Variants in RPAP3 observed in about 807,000 individuals in gnomAD.
The protein encoded by RPAP3 is RNA polymerase II associated protein 3, also known as RNA polymerase II-associated protein 3.
A neutral mutation model predicts 88.8 loss-of-function variants in RPAP3; 58 were observed. That is an observed-to-expected ratio of 0.65 (90% CI 0.53 to 0.81). The LOEUF is 0.81. Among genes scored for constraint, RPAP3 ranks in the 40% least tolerant of loss-of-function variants. RPAP3 has a pLI of 0.00. For synonymous variants in RPAP3, 255 were observed against 259.9 expected (o/e 0.98, Z 0.18); for missense variants, 751 against 764.3 (o/e 0.98, Z 0.20).
chr12:47,686,925 G>T lies in RPAP3; in HGVS notation c.865-18C>A. 6.7e-7 allele frequency: 1 copy of T among 1,502,218 alleles called. No homozygotes were observed. Among genetic ancestry groups the T allele is most frequent in the Non-Finnish European group, 9.0e-7 (1 of 1,111,196 alleles). 93.1% of individuals were successfully genotyped at this position (1,502,218 alleles called of 1,614,324 possible). A position where few individuals can be genotyped will look rare whatever the true frequency, so the allele number is the denominator to read the frequency against. ...CCATTCCCCTGTTATTTTGTAGAGAGATATGGAGAATAAAAAAAAAATTTC... is the reference window on the plus strand; with the variant it reads ...CCATTCCCCTGTTATTTTGTAGAGATATATGGAGAATAAAAAAAAAATTTC... On this transcript the variant is annotated intron_variant, in intron 8 of 16. Transcript: ENST00000005386.
intron 5 of RPAP3, among the ~76,000 whole-genome samples, chr12:47,692,873 T>TTTTG (rs1311073126): frequency 6.6e-6 from 1 of 151,970 alleles, no homozygotes; most frequent in South Asian, 2.1e-4. Flanking sequence ...CACTGTAGGG[T>TTTTG]TTTGTTTGTT....
rs776452171 is a variant in RPAP3, at chr12:47,671,055, C to T, written c.1288-710G>A. 2.0e-5 allele frequency among the ~76,000 whole-genome samples: 3 copies of T among 152,054 alleles called. No homozygotes were observed. In the East Asian group the frequency reaches 5.8e-4, roughly 29 times the overall value. ...ATTCACAAAGTTGGTAAAAGTAAACCCTTTTTTCCAATTTAATAAAATAAA... is the reference window on the plus strand; with the variant it reads ...ATTCACAAAGTTGGTAAAAGTAAACTCTTTTTTCCAATTTAATAAAATAAA... On this transcript the variant is annotated intron_variant, in intron 12 of 16. Coordinates refer to ENST00000005386, the MANE Select transcript of RPAP3 (RefSeq NM_024604.3).
intron 2 of RPAP3, among the ~76,000 whole-genome samples, 191 bp from the exon 3 acceptor site, chr12:47,701,795 G>A (rs1246700968): frequency 2.0e-5 from 3 of 152,120 alleles, no homozygotes; most frequent in African/African-American, 7.2e-5. Context: ...ACTTTGATGA[G>A]TGTTGAACAT....
At chr12:47,692,803 C>T (rs557491276) in intron 5 of RPAP3, among the ~76,000 whole-genome samples, 97 of 152,338 alleles carry the variant, frequency 6.4e-4, no homozygotes, top group African/African-American at 2.2e-3. Context: ...TAATCATTTC[C>T]AGCTTCCAAT....
chr12:47,683,359 C>A (rs1263340177), intron 9 of RPAP3, among the ~76,000 whole-genome samples: 2 of 152,186 alleles, frequency 1.3e-5, no homozygotes, highest in Non-Finnish European at 2.9e-5. Flanking sequence ...ATACCTTCCA[C>A]AGTGCCTCAC....
rs369252457 is a variant in RPAP3, at chr12:47,683,260, T to C, written c.993-1443A>G. ...TCCTTCATAGCGCTATCTTAGCGTA[T>C]TTTCACAAATATTGGTCTCCTTTTC... On this transcript the variant is annotated intron_variant, in intron 9 of 16. Coordinates refer to ENST00000005386, the MANE Select transcript of RPAP3 (RefSeq NM_024604.3). Among the ~76,000 whole-genome samples, 28 of 152,314 alleles carry C rather than the reference T, an allele frequency of 1.8e-4. No homozygotes were observed. The South Asian group carries it at 5.6e-3, about 30-fold the overall frequency.
intron 6 of RPAP3, 127 bp from the exon 7 acceptor site, chr12:47,689,322 G>T: frequency 1.9e-6 from 1 of 517,474 alleles, no homozygotes. Context: ...GAGAAACAAA[G>T]AAATACTATC....
chr12:47,692,604 T>C (rs1337342135), intron 5 of RPAP3, among the ~76,000 whole-genome samples: 1 of 152,248 alleles, frequency 6.6e-6, no homozygotes, highest in Non-Finnish European at 1.5e-5. Flanking sequence ...TTTGATCTTC[T>C]ATACAGACCA....
rs768396726 is a variant in RPAP3 at position 47,701,509 on chromosome 12, G to GT, written c.248dup (p.Asn83LysfsTer7). On this transcript the variant is annotated frameshift_variant, in exon 3 of 17. Coordinates refer to ENST00000005386, the MANE Select transcript of RPAP3 (RefSeq NM_024604.3). LOFTEE classifies it high-confidence loss of function. ...CCTCATAATCATAAGATTTTATCCT[G>GT]TTTTTTGTGTTTTCCTCTCTGGTTT... 4 of 1,597,538 alleles carry GT rather than the reference G, an allele frequency of 2.5e-6. No homozygotes were observed. The highest frequency in any genetic ancestry group is 3.4e-6 in the Non-Finnish European group (4 of 1,172,792).
intron 14 of RPAP3, 105 bp downstream of exon 14, chr12:47,668,811 T>C (rs1046087795): frequency 2.5e-6 from 2 of 795,558 alleles, no homozygotes; most frequent in Middle Eastern, 2.8e-4. Context: ...CAATAATTTC[T>C]ACAATAATAT....
At chr12:47,704,232 G>C (rs1039583467) in intron 1 of RPAP3, among the ~76,000 whole-genome samples, 2 of 152,196 alleles carry the variant, frequency 1.3e-5, no homozygotes, top group African/African-American at 2.4e-5. Flanking sequence ...GTAGCACCTA[G>C]ACAGTTGGGA....
chr12:47,684,366 T>C (rs1010937352), intron 9 of RPAP3, among the ~76,000 whole-genome samples: 9 of 152,216 alleles, frequency 5.9e-5, no homozygotes, highest in Admixed American at 3.3e-4. Context: ...CTGACTATAC[T>C]GCTGGTTCTA....
chr12:47,699,772 C>CCACA (rs1327306294), intron 3 of RPAP3: 2 of 152,086 alleles, frequency 1.3e-5, no homozygotes, highest in East Asian at 1.9e-4. Flanking sequence ...ATTGAGACAT[C>CCACA]CACACAATGG....
intron 3 of RPAP3, among the ~76,000 whole-genome samples, chr12:47,698,100 T>C (rs1328046176): frequency 1.3e-5 from 2 of 152,216 alleles, no homozygotes; most frequent in African/African-American, 4.8e-5. Context: ...TTTTTCTTCC[T>C]TATTTTAAAA....
chr12:47,676,616 C>T (rs530494498), intron 12 of RPAP3, among the ~76,000 whole-genome samples: 323 of 152,310 alleles, frequency 2.1e-3, no homozygotes, highest in Non-Finnish European at 3.9e-3. Context: ...ATACTACAAA[C>T]ACCTCTACGC....
intron 1 of RPAP3, among the ~76,000 whole-genome samples, chr12:47,705,002 G>C (rs1056617451): frequency 6.6e-6 from 1 of 151,936 alleles, no homozygotes; most frequent in African/African-American, 2.4e-5. Flanking sequence ...AGGAGGGGGG[G>C]GAATGAAATG....
chr12:47,668,397 G>C (rs1938927900), intron 14 of RPAP3, among the ~76,000 whole-genome samples: 1 of 152,126 alleles, frequency 6.6e-6, no homozygotes, highest in African/African-American at 2.4e-5. Flanking sequence ...CTCTCAAAGA[G>C]CAATAAATAT....
intron 9 of RPAP3, among the ~76,000 whole-genome samples, chr12:47,683,478 CAT>C (rs1367878879): frequency 6.6e-6 from 1 of 152,108 alleles, no homozygotes; most frequent in Non-Finnish European, 1.5e-5. Context: ...TTTAGGAAAT[CAT>C]TTTAATTGTA....
At chr12:47,702,900 T>G in intron 1 of RPAP3, 54 bp from the exon 2 acceptor site, 1 of 1,439,364 alleles carries the variant, frequency 6.9e-7, no homozygotes, top group South Asian at 1.5e-5. Context: ...TTTGGTTTAT[T>G]TTTCTGAAAG....
Sources: gnomAD v4.1 joint callset for allele counts (sites outside exome capture counted in the v4.1 genomes callset) on GRCh38, gnomAD v4.1.1 for gene constraint, MANE v1.5 for transcripts, NCBI Gene and HGNC (gene_info 2026-07-23, HGNC 2026-07-21) for gene names.